PTPRN2: variants seen among roughly 807,000 people sequenced by gnomAD.
The protein encoded by PTPRN2 is receptor-type tyrosine-protein phosphatase N2.
Under a neutral mutation model 118.8 loss-of-function variants are expected in PTPRN2, and 74 were observed. The observed-to-expected ratio is 0.62, with a 90% CI of 0.52 to 0.76. The LOEUF (loss-of-function observed/expected upper bound fraction) is 0.76, where lower values mean the gene tolerates loss of function less well. Among genes scored for constraint, PTPRN2 ranks in the 30% least tolerant of loss-of-function variants. The pLI, the probability that PTPRN2 is intolerant of heterozygous loss-of-function variation, is 0.00. For missense variants in PTPRN2, 1,481 were observed against 1,394.4 expected (o/e 1.06, Z -0.99); for synonymous variants, 641 against 608.0 (o/e 1.05, Z -0.80).
intron 6 of PTPRN2, among the ~76,000 whole-genome samples, chr7:158,150,055 A>C (rs1820804509): frequency 6.6e-6 from 1 of 152,228 alleles, no homozygotes; most frequent in Non-Finnish European, 1.5e-5. Context: ...ATGAATGATA[A>C]GAAAACAGAG....
chr7:158,020,560 C>T (rs146630863), intron 11 of PTPRN2, among the ~76,000 whole-genome samples: 118 of 152,184 alleles, frequency 7.8e-4, no homozygotes, highest in African/African-American at 2.7e-3. Context: ...GAGGCCGGCC[C>T]GGGGTCATGG....
At chr7:158,270,804 C>G (rs1364348209) in intron 3 of PTPRN2, among the ~76,000 whole-genome samples, 2 of 21,454 alleles carry the variant, frequency 9.3e-5, no homozygotes, top group Non-Finnish European at 2.0e-4. Flanking sequence ...TGGACCACCC[C>G]CTCACCTGGA....
At chr7:158,350,951 C>G (rs1380646754) in intron 2 of PTPRN2, among the ~76,000 whole-genome samples, 1 of 152,198 alleles carries the variant, frequency 6.6e-6, no homozygotes, top group Non-Finnish European at 1.5e-5. Flanking sequence ...TTCCAAATCC[C>G]ACCCGGCACA....
At chr7:157,911,211 A>T (rs1798087137) in intron 11 of PTPRN2, among the ~76,000 whole-genome samples, 1 of 152,178 alleles carries the variant, frequency 6.6e-6, no homozygotes, top group African/African-American at 2.4e-5. Flanking sequence ...TGCTGTGCCC[A>T]CAAGACCCAC....
At chr7:158,197,845 C>T (rs920710556) in intron 4 of PTPRN2, among the ~76,000 whole-genome samples, 2 of 152,208 alleles carry the variant, frequency 1.3e-5, no homozygotes, top group Non-Finnish European at 1.5e-5. Flanking sequence ...ATTCAATTAC[C>T]TCCCACTGGG....
chr7:158,257,857 C>A (rs1437098954), intron 3 of PTPRN2, among the ~76,000 whole-genome samples: 2 of 152,244 alleles, frequency 1.3e-5, no homozygotes, highest in Admixed American at 6.5e-5. Flanking sequence ...CCATGCCCTC[C>A]CCTGCTGGGC....
At chr7:157,747,711 G>T (rs1165332108) in intron 12 of PTPRN2, among the ~76,000 whole-genome samples, 1 of 132,426 alleles carries the variant, frequency 7.6e-6, no homozygotes, top group East Asian at 2.5e-4. Context: ...TCTCTCAGCT[G>T]TGGGCTGTTG....
intron 8 of PTPRN2, among the ~76,000 whole-genome samples, chr7:158,134,279 G>C (rs149607693): frequency 1.1e-3 from 165 of 152,132 alleles, no homozygotes; most frequent in African/African-American, 3.7e-3. Context: ...CTTACGTGCT[G>C]TTTTCTCCTC....
chr7:157,570,517 G>A (rs1297618875), intron 20 of PTPRN2, among the ~76,000 whole-genome samples: 1 of 152,214 alleles, frequency 6.6e-6, no homozygotes, highest in East Asian at 1.9e-4. Context: ...CTATAAGACA[G>A]TTCTAGAAAA....
At chr7:158,341,564 C>T (rs1440717598) in intron 2 of PTPRN2, among the ~76,000 whole-genome samples, 52 of 117,706 alleles carry the variant, frequency 4.4e-4, no homozygotes, top group Middle Eastern at 5.1e-3. Context: ...GTCACTCACA[C>T]CCACACTCTC....
At chr7:158,322,501 C>G (rs1803112914) in intron 2 of PTPRN2, among the ~76,000 whole-genome samples, 1 of 151,736 alleles carries the variant, frequency 6.6e-6, no homozygotes, top group African/African-American at 2.4e-5. Context: ...GGGGAGGGAG[C>G]AGTTCCGTGC....
At chr7:157,559,832 C>A (rs915722538) in intron 21 of PTPRN2, among the ~76,000 whole-genome samples, 7 of 152,280 alleles carry the variant, frequency 4.6e-5, no homozygotes, top group Admixed American at 1.3e-4. Flanking sequence ...TGTGGCCCCC[C>A]CCGCCCCGTC....
intron 3 of PTPRN2, among the ~76,000 whole-genome samples, chr7:158,272,968 A>G (rs1798613883): frequency 6.6e-6 from 1 of 151,884 alleles, no homozygotes; most frequent in African/African-American, 2.4e-5. Flanking sequence ...CTCTCGTTTC[A>G]CTCATTCATC....
intron 2 of PTPRN2, among the ~76,000 whole-genome samples, chr7:158,333,264 A>C (rs1381680920): frequency 7.2e-5 from 7 of 97,176 alleles, no homozygotes; most frequent in South Asian, 6.1e-4. Context: ...CGCCCGCAGG[A>C]GTCACTCACA....
At chr7:158,163,037 C>A (rs150774411) in intron 6 of PTPRN2, among the ~76,000 whole-genome samples, 8 of 152,290 alleles carry the variant, frequency 5.3e-5, no homozygotes, top group Non-Finnish European at 1.0e-4. Context: ...GAATGTCTGT[C>A]TAGCTAGGGC....
chr7:157,888,081 G>GGA (rs1488931572), intron 12 of PTPRN2, among the ~76,000 whole-genome samples: 2 of 151,404 alleles, frequency 1.3e-5, no homozygotes, highest in Non-Finnish European at 2.9e-5. Flanking sequence ...GAATGTTTCT[G>GGA]GAGAGACAGA....
chr7:157,840,116 TGACTGTGA>T (rs1393994475), intron 12 of PTPRN2, among the ~76,000 whole-genome samples: 6 of 150,602 alleles, frequency 4.0e-5, no homozygotes, highest in Admixed American at 4.0e-4. Flanking sequence ...CGTGACTGTG[TGACTGTGA>T]CTGTGTGGCC....
At chr7:158,492,760 G>A (rs565690226) in intron 1 of PTPRN2, among the ~76,000 whole-genome samples, 2 of 152,340 alleles carry the variant, frequency 1.3e-5, no homozygotes, top group South Asian at 4.1e-4. Context: ...CCTACTAATA[G>A]TAATTATGAC....
intron 2 of PTPRN2, among the ~76,000 whole-genome samples, chr7:158,482,159 T>C (rs751048314): frequency 6.6e-6 from 1 of 152,246 alleles, no homozygotes; most frequent in Non-Finnish European, 1.5e-5. Context: ...AGATGGAATC[T>C]ACTCCTGGTG....
Sources: gnomAD v4.1 joint callset for allele counts (sites outside exome capture counted in the v4.1 genomes callset) on GRCh38, gnomAD v4.1.1 for gene constraint, MANE v1.5 for transcripts, NCBI Gene and HGNC (gene_info 2026-07-23, HGNC 2026-07-21) for gene names.